The following SPINT1 variants were observed in gnomAD, a reference collection of about 807,000 sequenced individuals.
SPINT1 encodes serine peptidase inhibitor, Kunitz type 1.
SPINT1 carries 38 observed loss-of-function variants against 53.7 expected under a neutral mutation model. The observed-to-expected ratio is 0.71, with a 90% confidence interval of 0.55 to 0.93. The LOEUF (loss-of-function observed/expected upper bound fraction) is 0.93. Ranked by LOEUF, SPINT1 falls within the 40% of genes least tolerant of loss-of-function variation. The pLI, the probability that SPINT1 is intolerant of heterozygous loss-of-function variation, is 0.00. For synonymous variants in SPINT1, 283 were observed against 280.6 expected, an observed-to-expected ratio of 1.01 and a Z score of -0.08; for missense variants, 645 against 692.9, an observed-to-expected ratio of 0.93 and a Z score of 0.78.
Position 40,844,260 on chromosome 15 carries a change from C to T in SPINT1, c.-66+74C>T, listed in dbSNP as rs1444204271. On this transcript the variant is annotated intron_variant, in intron 1 of 10. Coordinates refer to ENST00000562057, the MANE Select transcript of SPINT1 (RefSeq NM_003710.4). The surrounding 1 kb of genome is among the most constrained non-coding windows in gnomAD (Gnocchi z 5.8). Reference sequence around the variant, plus strand: ...GGAGCATGTCCGGCCCTTTGTTCTGCGCTCGTGCGTGTGTCCGGGTACTTG... The same window carrying T: ...GGAGCATGTCCGGCCCTTTGTTCTGTGCTCGTGCGTGTGTCCGGGTACTTG... 1.3e-5 allele frequency: 7 copies of T among 521,522 alleles called. No homozygotes were observed. The highest frequency in any genetic ancestry group is 1.7e-5 in the Non-Finnish European group (5 of 290,386). The allele number at this position is 521,522 out of a possible 1,614,324, so 32.3% of individuals were successfully genotyped here. A position where few individuals can be genotyped will look rare whatever the true frequency, so the allele number is the denominator to read the frequency against.
In SPINT1 at chr15:40,844,565, C is replaced by T; in HGVS notation, c.11C>T (p.Ala4Val). 6.2e-7 allele frequency: 1 copy of T among 1,610,496 alleles called. No homozygotes were observed. Among genetic ancestry groups the T allele is most frequent in the Non-Finnish European group, 8.5e-7 (1 of 1,179,202 alleles). Reference sequence around the variant, plus strand: ...CTGGGGAGGAAGGCGATGGCCCCTGCGAGGACGATGGCCCGCGCCCGCCTC... The same window carrying T: ...CTGGGGAGGAAGGCGATGGCCCCTGTGAGGACGATGGCCCGCGCCCGCCTC... MAP[A>V]RTMARARLAP... Residue 4 changes from alanine to valine, a missense_variant, in exon 2 of 11, where the codon GCG (alanine) becomes GTG (valine). Physicochemically the swap from Ala to Val is moderately conservative, Grantham distance 64. Coordinates refer to ENST00000562057, the MANE Select transcript of SPINT1 (RefSeq NM_003710.4). The surrounding 1 kb of genome is among the most constrained non-coding windows in gnomAD (Gnocchi z 5.8).
In SPINT1 at chr15:40,844,803, G is replaced by A; in HGVS notation, c.249G>A (p.Arg83=). ...TCCTGGAGTCCCCCACCGTGCGCCG[G>A]GGCTGGGACTGCGTGCGCGCCTGCT... ...ATFLESPTVR[R]GWDCVRACCT... is the part of the protein sequence containing the mutation. Residue 83 remains arginine (R), a synonymous_variant, in exon 2 of 11, where the codon CGG becomes CGA. Coordinates refer to ENST00000562057, the MANE Select transcript of SPINT1 (RefSeq NM_003710.4). The surrounding 1 kb of genome is among the most constrained non-coding windows in gnomAD (Gnocchi z 5.8). The A allele has an allele frequency of 6.2e-7, 1 of 1,613,384 alleles. No individual in the cohort carries two copies. Among genetic ancestry groups the A allele is most frequent in the South Asian group, 1.1e-5 (1 of 91,040 alleles).
At chr15:40,854,800 A>C in intron 8 of SPINT1, 111 bp downstream of exon 8, 1 of 1,392,308 alleles carries the variant, frequency 7.2e-7, no homozygotes, top group Non-Finnish European at 1.0e-6. Context: ...GCCTGTGGGC[A>C]CAAAGAGCCA....
At chr15:40,847,812 A>T (rs554862260) in intron 2 of SPINT1, among the ~76,000 whole-genome samples, 1 of 152,006 alleles carries the variant, frequency 6.6e-6, no homozygotes, top group Non-Finnish European at 1.5e-5. Flanking sequence ...ATCACTCTGC[A>T]TGCTACTTCC....
Position 40,853,125 on chromosome 15 carries a change from G to A in SPINT1, c.477G>A (p.Gly159=). The change falls in exon 3 of 11, where the codon GGG becomes GGA. Residue 159 remains glycine (G), a splice_region_variant and synonymous_variant. Coordinates refer to ENST00000562057, the MANE Select transcript of SPINT1 (RefSeq NM_003710.4). ...YRQLRTQGFG[G]SGIPKAWAGI... is the part of the protein sequence containing the mutation. ...TATCTCACTTTCTCTCCCCGCCAGG[G>A]TCTGGGATCCCCAAGGCCTGGGCAG... The A allele has an allele frequency of 6.2e-7, 1 of 1,613,830 alleles. No homozygotes were observed. The highest frequency in any genetic ancestry group is 8.5e-7 in the Non-Finnish European group (1 of 1,179,834).
intron 2 of SPINT1, among the ~76,000 whole-genome samples, chr15:40,849,788 A>T (rs1205755379): frequency 1.3e-5 from 2 of 152,170 alleles, no homozygotes; most frequent in African/African-American, 4.8e-5. Context: ...TCTCATCTGA[A>T]AAGAGGGTGA....
At position 40,853,706 on chromosome 15, in the gene SPINT1, C is replaced by T. The variant is rs370529238; in HGVS notation, c.743-5C>T. On this transcript the variant is annotated splice_region_variant and splice_polypyrimidine_tract_variant and intron_variant, in intron 4 of 10. Coordinates refer to ENST00000562057, the MANE Select transcript of SPINT1 (RefSeq NM_003710.4). ...CACGGTCCCCTCATAAGCTCTCCCC[C>T]CTAGACTACTGCCTCGCATCCAACA... 6.2e-6 allele frequency: 10 copies of T among 1,614,090 alleles called. No individual in the cohort carries two copies. The highest frequency in any genetic ancestry group is 4.0e-5 in the African/African-American group (3 of 75,060).
rs1272275153 is a variant in SPINT1, at chr15:40,851,158, C to CT, written c.476-1951dup. ...CATGTGTTCTGCCATTTTCTTTTTT[C>CT]TTTTTTTTTTTTTTTAAACGGAGTC... On this transcript the variant is annotated intron_variant, in intron 2 of 10. Coordinates refer to ENST00000562057, the MANE Select transcript of SPINT1 (RefSeq NM_003710.4). Among the ~76,000 whole-genome samples the CT allele has an allele frequency of 0.014, 2,009 of 144,122 alleles. 93 individuals are homozygous for CT. The East Asian group carries it at 0.17, about 12-fold the overall frequency. The allele number at this position is 144,122 out of a possible 152,430, so 94.5% of individuals were successfully genotyped here. A position where few individuals can be genotyped will look rare whatever the true frequency, so the allele number is the denominator to read the frequency against.
chr15:40,854,774 C>T lies in SPINT1; in HGVS notation c.1117+85C>T, dbSNP rs543847698. On this transcript the variant is annotated intron_variant, in intron 8 of 10. Transcript: ENST00000562057. ...TTTCCATCCAGCAGTGCCTGAGGGGCCTGCTGGGTGTACGGGCCTGTGGGC... is the reference window on the plus strand; with the variant it reads ...TTTCCATCCAGCAGTGCCTGAGGGGTCTGCTGGGTGTACGGGCCTGTGGGC... 3.2e-6 allele frequency: 5 copies of T among 1,542,468 alleles called. No homozygotes were observed. The South Asian group carries it at 4.5e-5, about 14-fold the overall frequency.
intron 2 of SPINT1, among the ~76,000 whole-genome samples, chr15:40,852,285 G>A (rs1891481417): frequency 6.6e-6 from 1 of 152,186 alleles, no homozygotes; most frequent in South Asian, 2.1e-4. Flanking sequence ...TTTGTCGTTG[G>A]ATTTGGGGCC....
intron 2 of SPINT1, 105 bp downstream of exon 2, chr15:40,845,134 CT>C (rs1019796035): frequency 9.9e-4 from 839 of 848,290 alleles, no homozygotes; most frequent in African/African-American, 1.5e-3. Context: ...GGAGAGTTCA[CT>C]TTTTTTTTTC....
chr15:40,854,186 C>T (rs899882931), intron 6 of SPINT1, 100 bp downstream of exon 6: 13 of 1,406,144 alleles, frequency 9.2e-6, no homozygotes, highest in Non-Finnish European at 1.3e-5. Context: ...AGCCATTCCT[C>T]CCCTCAGAGT....
At chr15:40,845,977 G>T (rs1452119717) in intron 2 of SPINT1, among the ~76,000 whole-genome samples, 1 of 152,224 alleles carries the variant, frequency 6.6e-6, no homozygotes, top group Non-Finnish European at 1.5e-5. Flanking sequence ...GATCCAAAGG[G>T]AGAGAAGTGA....
Position 40,844,646 on chromosome 15 carries a change from A to C in SPINT1, c.92A>C (p.Gln31Pro). The change falls in exon 2 of 11, where the codon CAG becomes CCG. Residue 31 changes from glutamine to proline, a missense_variant. Physicochemically the swap from Gln to Pro is moderately conservative, Grantham distance 76. Coordinates refer to ENST00000562057, the MANE Select transcript of SPINT1 (RefSeq NM_003710.4). This position sits in a 1 kb window ranked among gnomAD's most constrained non-coding sequence, Gnocchi z 5.8. ...TGGCTTCTGTGCACGCTCGGCCTCC[A>C]GGGCACCCAGGCCGGGCCACCGCCC... Reference protein sequence around the residue: ...ALWLLCTLGLQGTQAGPPPAP... With the variant: ...ALWLLCTLGLPGTQAGPPPAP... 1 of 1,605,728 alleles carries C rather than the reference A, an allele frequency of 6.2e-7. No individual in the cohort carries two copies. The highest frequency in any genetic ancestry group is 8.5e-7 in the Non-Finnish European group (1 of 1,176,610).
chr15:40,854,784 G>T, intron 8 of SPINT1, 95 bp downstream of exon 8: 1 of 1,506,636 alleles, frequency 6.6e-7, no homozygotes, highest in South Asian at 1.1e-5. Flanking sequence ...CCTGCTGGGT[G>T]TACGGGCCTG....
intron 10 of SPINT1, among the ~76,000 whole-genome samples, chr15:40,856,537 C>T (rs1178532139): frequency 6.6e-6 from 1 of 152,062 alleles, no homozygotes; most frequent in African/African-American, 2.4e-5. Context: ...TCCCAGGCTT[C>T]CCCCAAGTTA....
At chr15:40,856,111 A>G in intron 9 of SPINT1, 49 bp downstream of exon 9, 4 of 1,607,478 alleles carry the variant, frequency 2.5e-6, no homozygotes, top group Non-Finnish European at 2.6e-6. Flanking sequence ...AGGCTTAGCC[A>G]GTGGCCTCCA....
chr15:40,844,909 A>C lies in SPINT1; in HGVS notation c.355A>C (p.Ile119Leu), dbSNP rs145999931. 81 of 1,613,846 alleles carry C rather than the reference A, an allele frequency of 5.0e-5. 1 individual carries two copies. In the Admixed American group the frequency reaches 1.3e-3, roughly 26 times the overall value. Reference sequence around the variant, plus strand: ...GGACGCCATCGCCGCCTGCTTCCTCATCAACTGCCTCTACGAGCAGAACTT... The same window carrying C: ...GGACGCCATCGCCGCCTGCTTCCTCCTCAACTGCCTCTACGAGCAGAACTT... ...GEDAIAACFL[I>L]NCLYEQNFVC... The change falls in exon 2 of 11, where the codon ATC becomes CTC. Residue 119 changes from isoleucine (I) to leucine (L), a missense_variant. Physicochemically the swap from Ile to Leu is conservative, Grantham distance 5 (BLOSUM62 2). Coordinates refer to ENST00000562057, the MANE Select transcript of SPINT1 (RefSeq NM_003710.4). This position sits in a 1 kb window ranked among gnomAD's most constrained non-coding sequence, Gnocchi z 5.8.
Position 40,844,634 on chromosome 15 carries a change from C to T in SPINT1, c.80C>T (p.Thr27Met). The T allele has an allele frequency of 6.2e-7, 1 of 1,607,752 alleles. No individual in the cohort carries two copies. The highest frequency in any genetic ancestry group is 8.5e-7 in the Non-Finnish European group (1 of 1,177,620). Residue 27 changes from threonine (T) to methionine (M), a missense_variant, in exon 2 of 11, where the codon ACG (threonine) becomes ATG (methionine). Thr to Met is a moderately conservative substitution (Grantham distance 81). Transcript: ENST00000562057. This position sits in a 1 kb window ranked among gnomAD's most constrained non-coding sequence, Gnocchi z 5.8. ...GCCGTCGCCTTGTGGCTTCTGTGCA[C>T]GCTCGGCCTCCAGGGCACCCAGGCC... ...IPAVALWLLC[T>M]LGLQGTQAGP... is the part of the protein sequence containing the mutation.
Sources: gnomAD v4.1 joint callset for allele counts (sites outside exome capture counted in the v4.1 genomes callset) on GRCh38, gnomAD v4.1.1 for gene constraint, Gnocchi (gnomAD v3.1) non-coding constraint, MANE v1.5 for transcripts, NCBI Gene and HGNC (gene_info 2026-07-23, HGNC 2026-07-21) for gene names.